Variants in ATF7IP observed in about 807,000 individuals in gnomAD.
ATF7IP encodes the protein activating transcription factor 7-interacting protein 1.
A neutral mutation model predicts 106.4 loss-of-function variants in ATF7IP; 23 were observed. That is an observed-to-expected ratio of 0.22 (90% CI 0.16 to 0.31). The LOEUF (loss-of-function observed/expected upper bound fraction) is 0.31. Among genes scored for constraint, ATF7IP ranks in the 10% least tolerant of loss-of-function variants. The pLI is 1.00. For missense variants in ATF7IP, 1,334 were observed against 1,524.3 expected, an observed-to-expected ratio of 0.88 and a Z score of 2.08; for synonymous variants, 542 against 539.0, an observed-to-expected ratio of 1.01 and a Z score of -0.08.
chr12:14,473,982 AT>A (rs1487693951), intron 10 of ATF7IP, among the ~76,000 whole-genome samples: 1 of 151,892 alleles, frequency 6.6e-6, no homozygotes, highest in Non-Finnish European at 1.5e-5. Flanking sequence ...TATGATGTGT[AT>A]AGTTATGATT....
At chr12:14,404,862 G>C (rs960552290) in intron 1 of ATF7IP, among the ~76,000 whole-genome samples, 3 of 152,114 alleles carry the variant, frequency 2.0e-5, no homozygotes, top group Non-Finnish European at 4.4e-5. Flanking sequence ...GAGGTTAAGA[G>C]AGTTTCCAAA....
At chr12:14,451,520 T>C (rs916669830) in intron 6 of ATF7IP, among the ~76,000 whole-genome samples, 4 of 152,170 alleles carry the variant, frequency 2.6e-5, no homozygotes, top group Non-Finnish European at 4.4e-5. Context: ...TAAACTTCCT[T>C]CTTACCACTG....
At chr12:14,461,216 C>G (rs567164908) in intron 9 of ATF7IP, 83 bp downstream of exon 9, 1 of 1,278,640 alleles carries the variant, frequency 7.8e-7, no homozygotes, top group East Asian at 2.4e-5. Flanking sequence ...TTCTAAGTGG[C>G]TAGCGTTATT....
chr12:14,492,795 C>T (rs2136863665), intron 13 of ATF7IP, among the ~76,000 whole-genome samples: 1 of 152,270 alleles, frequency 6.6e-6, no homozygotes, highest in Middle Eastern at 3.4e-3. Flanking sequence ...CCAGTTATTT[C>T]CATTGTATTT....
intron 1 of ATF7IP, among the ~76,000 whole-genome samples, chr12:14,377,931 C>T (rs562852319): frequency 5.3e-4 from 80 of 151,738 alleles, no homozygotes; most frequent in African/African-American, 1.9e-3. Flanking sequence ...CCTGGTCTGA[C>T]TTACCCAATT....
chr12:14,432,817 A>G (rs1405572064), intron 2 of ATF7IP, among the ~76,000 whole-genome samples: 2 of 152,198 alleles, frequency 1.3e-5, no homozygotes, highest in African/African-American at 4.8e-5. Flanking sequence ...GAAACATAGC[A>G]TGCTTTATTG....
At chr12:14,446,609 A>G (rs1005828301) in intron 5 of ATF7IP, among the ~76,000 whole-genome samples, 2 of 152,236 alleles carry the variant, frequency 1.3e-5, no homozygotes, top group Admixed American at 1.3e-4. Flanking sequence ...TTTATGACTT[A>G]CAGATATTTC....
At chr12:14,456,088 A>G (rs1943413981) in intron 6 of ATF7IP, among the ~76,000 whole-genome samples, 1 of 152,156 alleles carries the variant, frequency 6.6e-6, no homozygotes, top group African/African-American at 2.4e-5. Flanking sequence ...TATTTTTTTA[A>G]AAAACAACTT....
At chr12:14,377,938 A>G (rs1938823119) in intron 1 of ATF7IP, among the ~76,000 whole-genome samples, 1 of 151,384 alleles carries the variant, frequency 6.6e-6, no homozygotes, top group Non-Finnish European at 1.5e-5. Flanking sequence ...TGACTTACCC[A>G]ATTTTATCCT....
At chr12:14,373,958 G>T (rs1938626148) in intron 1 of ATF7IP, among the ~76,000 whole-genome samples, 1 of 151,834 alleles carries the variant, frequency 6.6e-6, no homozygotes, top group South Asian at 2.1e-4. Flanking sequence ...AGGTTAACTT[G>T]CTTAATTCAA....
chr12:14,472,282 C>T (rs1004202322), intron 10 of ATF7IP, among the ~76,000 whole-genome samples: 13 of 151,728 alleles, frequency 8.6e-5, no homozygotes, highest in Admixed American at 5.9e-4. Flanking sequence ...CATCAAGTTG[C>T]GTTTTTATGA....
chr12:14,423,851 C>G, intron 1 of ATF7IP, 58 bp from the exon 2 acceptor site: 1 of 1,506,800 alleles, frequency 6.6e-7, no homozygotes, highest in Non-Finnish European at 8.9e-7. Context: ...TGTATTAAGT[C>G]TACAATTAGG....
At chr12:14,471,647 T>C (rs1184572729) in intron 10 of ATF7IP, among the ~76,000 whole-genome samples, 1 of 152,092 alleles carries the variant, frequency 6.6e-6, no homozygotes, top group African/African-American at 2.4e-5. Context: ...AACATGTCCT[T>C]CTTCACATAA....
chr12:14,366,327 G>C (rs1300372859), intron 1 of ATF7IP, among the ~76,000 whole-genome samples: 2 of 152,062 alleles, frequency 1.3e-5, no homozygotes, highest in Admixed American at 6.6e-5. Context: ...TTATATTTAC[G>C]GTGGTAAAGA....
Position 14,425,221 on chromosome 12 carries a change from A to G in ATF7IP, c.1306A>G (p.Ile436Val). The change falls in exon 2 of 15, where the codon ATT (isoleucine) becomes GTT (valine). Residue 436 changes from isoleucine to valine, a missense_variant. Ile to Val is a conservative substitution (Grantham distance 29). Around this residue, in one of 10 missense-constraint regions of ATF7IP, gnomAD observed 41 missense variants for 60.4 expected, o/e 0.68. Transcript: ENST00000261168. ...AGACTCTATGGAGACAGATGAAATC[A>G]TTCCTATTTTGGAAAAGCTTGCACC... ...NTDSMETDEI[I>V]PILEKLAPSE... 1 of 1,592,634 alleles carries G rather than the reference A, an allele frequency of 6.3e-7. No homozygotes were observed. The highest frequency in any genetic ancestry group is 8.5e-7 in the Non-Finnish European group (1 of 1,173,840).
At chr12:14,383,156 T>C (rs1455213563) in intron 1 of ATF7IP, among the ~76,000 whole-genome samples, 1 of 152,176 alleles carries the variant, frequency 6.6e-6, no homozygotes, top group African/African-American at 2.4e-5. Context: ...GTATCAGTTT[T>C]GTGAAATTAT....
intron 3 of ATF7IP, among the ~76,000 whole-genome samples, chr12:14,435,010 T>TC (rs1260681028): frequency 1.3e-5 from 2 of 151,678 alleles, no homozygotes; most frequent in Non-Finnish European, 2.9e-5. Flanking sequence ...ATTGCTTGAG[T>TC]CCAAGAATTT....
At chr12:14,384,787 T>TA (rs1939141574) in intron 1 of ATF7IP, among the ~76,000 whole-genome samples, 1 of 151,054 alleles carries the variant, frequency 6.6e-6, no homozygotes, top group Non-Finnish European at 1.5e-5. Context: ...GAAATTAACT[T>TA]AATCAATCAA....
At chr12:14,462,349 A>G (rs1414807115) in intron 9 of ATF7IP, among the ~76,000 whole-genome samples, 1 of 151,984 alleles carries the variant, frequency 6.6e-6, no homozygotes, top group Non-Finnish European at 1.5e-5. Context: ...TTTTTGGGTG[A>G]TAGTTTATTT....
Sources: allele counts gnomAD v4.1 joint callset (sites outside exome capture counted in the v4.1 genomes callset), GRCh38; gene constraint gnomAD v4.1.1; regional missense constraint gnomAD v4.1.1; transcripts MANE v1.5; gene names NCBI Gene and HGNC (gene_info 2026-07-23, HGNC 2026-07-21).